Variants in CCBE1 observed in about 807,000 individuals in gnomAD.
CCBE1 encodes collagen and calcium binding EGF domains 1.
CCBE1 carries 37 observed loss-of-function variants against 50.0 expected under a neutral mutation model. The observed-to-expected ratio is 0.74, with a 90% CI of 0.57 to 0.97. The LOEUF is 0.97. Among genes scored for constraint, CCBE1 ranks in the 50% least tolerant of loss-of-function variants. The pLI is 0.00. For missense variants in CCBE1, 538 were observed against 523.8 expected (o/e 1.03, Z -0.26); for synonymous variants, 234 against 203.7 (o/e 1.15, Z -1.27).
intron 2 of CCBE1, among the ~76,000 whole-genome samples, chr18:59,547,899 G>A (rs1211176483): frequency 6.6e-6 from 1 of 152,206 alleles, no homozygotes; most frequent in Non-Finnish European, 1.5e-5. Flanking sequence ...ACAGGAAAGT[G>A]CAACCTGACC....
At chr18:59,480,986 A>T (rs999672121) in intron 2 of CCBE1, among the ~76,000 whole-genome samples, 1 of 152,026 alleles carries the variant, frequency 6.6e-6, no homozygotes, top group African/African-American at 2.4e-5. Flanking sequence ...AATGTGACCC[A>T]TTCTCAAAGA....
intron 5 of CCBE1, among the ~76,000 whole-genome samples, chr18:59,455,748 G>A (rs113421891): frequency 5.1e-4 from 77 of 152,352 alleles, no homozygotes; most frequent in African/African-American, 1.8e-3. Flanking sequence ...ACCTTGCACA[G>A]ACTGCCAAGG....
intron 2 of CCBE1, among the ~76,000 whole-genome samples, chr18:59,538,644 A>C (rs1320762236): frequency 3.9e-5 from 6 of 152,224 alleles, no homozygotes; most frequent in Non-Finnish European, 5.9e-5. Context: ...GGACAAGAGT[A>C]AACAGTCAAA....
chr18:59,672,264 A>AG (rs2054441875), intron 2 of CCBE1, among the ~76,000 whole-genome samples: 1 of 152,198 alleles, frequency 6.6e-6, no homozygotes, highest in Admixed American at 6.5e-5. Context: ...TGACAGTGGT[A>AG]GATGGTAACT....
intron 2 of CCBE1, among the ~76,000 whole-genome samples, chr18:59,600,692 CTT>C (rs1837594950): frequency 6.6e-6 from 1 of 152,168 alleles, no homozygotes; most frequent in South Asian, 2.1e-4. Context: ...ATAGCTTTCT[CTT>C]TCCAACCATC....
chr18:59,575,237 A>G (rs1027079155), intron 2 of CCBE1, among the ~76,000 whole-genome samples: 2 of 152,288 alleles, frequency 1.3e-5, no homozygotes, highest in Non-Finnish European at 2.9e-5. Flanking sequence ...TGAGCCAGCC[A>G]GTTGGTGGCA....
At chr18:59,497,043 T>G (rs995023249) in intron 2 of CCBE1, among the ~76,000 whole-genome samples, 1 of 152,198 alleles carries the variant, frequency 6.6e-6, no homozygotes, top group African/African-American at 2.4e-5. Context: ...CTTGTGGAGT[T>G]ATTTTGAACA....
intron 2 of CCBE1, among the ~76,000 whole-genome samples, chr18:59,669,931 G>A (rs75967618): frequency 0.014 from 2,128 of 152,284 alleles, 103 homozygotes; most frequent in East Asian, 0.12. Flanking sequence ...CAAAAAAATT[G>A]CATCCATGAT....
chr18:59,618,830 A>G (rs1051190080), intron 2 of CCBE1, among the ~76,000 whole-genome samples: 1 of 138,282 alleles, frequency 7.2e-6, no homozygotes, highest in Admixed American at 7.7e-5. Flanking sequence ...GTACATCTGT[A>G]AACTACCCAG....
chr18:59,661,389 A>C (rs553341275), intron 2 of CCBE1, among the ~76,000 whole-genome samples: 7 of 152,378 alleles, frequency 4.6e-5, no homozygotes, highest in African/African-American at 1.7e-4. Flanking sequence ...TTTGTGGAAC[A>C]AATGAGTTTT....
intron 2 of CCBE1, among the ~76,000 whole-genome samples, chr18:59,593,681 CAA>C (rs985389977): frequency 6.6e-6 from 1 of 152,186 alleles, no homozygotes; most frequent in African/African-American, 2.4e-5. Context: ...CTTGAGTAGT[CAA>C]GATTCTTTAT....
chr18:59,628,086 T>C (rs933165187), intron 2 of CCBE1, among the ~76,000 whole-genome samples: 1 of 152,062 alleles, frequency 6.6e-6, no homozygotes, highest in African/African-American at 2.4e-5. Context: ...TGGTGGTGCA[T>C]GCCTGTAGTC....
chr18:59,443,878 C>A lies in CCBE1; in HGVS notation c.776-4062G>T, dbSNP rs151002525. 7.9e-5 allele frequency among the ~76,000 whole-genome samples: 12 copies of A among 152,240 alleles called. No homozygotes were observed. The East Asian group carries it at 2.1e-3, about 27-fold the overall frequency. ...ATCCTGTAAAACAGAAACTCTAGAC[C>A]ACCGAATAACTCCCCATTTTCCACT... On this transcript the variant is annotated intron_variant, in intron 7 of 10. Transcript: ENST00000439986.
At chr18:59,567,397 G>C (rs142702235) in intron 2 of CCBE1, among the ~76,000 whole-genome samples, 9 of 152,212 alleles carry the variant, frequency 5.9e-5, no homozygotes, top group Admixed American at 5.9e-4. Context: ...GCCTCCCAAA[G>C]TGTTGGGATT....
intron 2 of CCBE1, among the ~76,000 whole-genome samples, chr18:59,549,954 C>A (rs140379821): frequency 3.3e-5 from 5 of 152,306 alleles, no homozygotes; most frequent in African/African-American, 1.2e-4. Flanking sequence ...AATAGAGGAC[C>A]TTGTGCCAGA....
chr18:59,593,945 C>T (rs564542668), intron 2 of CCBE1, among the ~76,000 whole-genome samples: 1 of 152,346 alleles, frequency 6.6e-6, no homozygotes, highest in South Asian at 2.1e-4. Flanking sequence ...ACAGCAATGA[C>T]ATATTCTTTC....
At chr18:59,479,958 A>G (rs184866390) in intron 3 of CCBE1, among the ~76,000 whole-genome samples, 2 of 152,378 alleles carry the variant, frequency 1.3e-5, no homozygotes, top group East Asian at 1.9e-4. Context: ...GAAATACTAT[A>G]TAAGAATGAC....
At chr18:59,674,774 T>G (rs2054477261) in intron 2 of CCBE1, among the ~76,000 whole-genome samples, 1 of 152,242 alleles carries the variant, frequency 6.6e-6, no homozygotes, top group South Asian at 2.1e-4. Context: ...TTCTAAGATA[T>G]CTTGTGTAAT....
chr18:59,561,961 T>C (rs2052745617), intron 2 of CCBE1, among the ~76,000 whole-genome samples: 1 of 152,112 alleles, frequency 6.6e-6, no homozygotes. Flanking sequence ...CCCTGAGGTG[T>C]TCTTTCTGCT....
Sources: allele counts gnomAD v4.1 joint callset (sites outside exome capture counted in the v4.1 genomes callset), GRCh38; gene constraint gnomAD v4.1.1; transcripts MANE v1.5; gene names NCBI Gene and HGNC (gene_info 2026-07-23, HGNC 2026-07-21).